The following SGCD variants were observed in gnomAD, a reference collection of about 807,000 sequenced individuals.
SGCD encodes sarcoglycan delta, also known as delta-sarcoglycan.
A neutral mutation model predicts 36.6 loss-of-function variants in SGCD; 18 were observed. The ratio of observed to expected loss-of-function variants is 0.49; its 90% CI spans 0.34 to 0.73. The LOEUF (loss-of-function observed/expected upper bound fraction) is 0.73, where lower values mean the gene tolerates loss of function less well. Among genes scored for constraint, SGCD ranks in the 30% least tolerant of loss-of-function variants. The pLI, the probability that SGCD is intolerant of heterozygous loss-of-function variation, is 0.01. For missense variants in SGCD, 387 were observed against 346.7 expected (o/e 1.12, Z -0.92); for synonymous variants, 133 against 130.6 (o/e 1.02, Z -0.12).
chr5:155,972,463 G>T (rs574862284), intron 1 of SGCD, among the ~76,000 whole-genome samples: 3 of 151,998 alleles, frequency 2.0e-5, no homozygotes, highest in Non-Finnish European at 2.9e-5. Flanking sequence ...TGACTACATG[G>T]TATTTTACTT....
intron 3 of SGCD, chr5:156,393,931 T>TA: frequency 2.4e-6 from 1 of 418,822 alleles, no homozygotes; most frequent in South Asian, 1.7e-5. Flanking sequence ...AAGAGATGGG[T>TA]AAGACCTGAT....
intron 6 of SGCD, among the ~76,000 whole-genome samples, chr5:156,630,109 C>G (rs573617132): frequency 6.6e-6 from 1 of 151,976 alleles, no homozygotes; most frequent in Non-Finnish European, 1.5e-5. Context: ...GTGATCCACC[C>G]GCCTCAGCCT....
intron 3 of SGCD, among the ~76,000 whole-genome samples, chr5:156,423,131 TAATA>T (rs1348297197): frequency 2.9e-5 from 3 of 103,714 alleles, no homozygotes; most frequent in African/African-American, 3.5e-5. Context: ...ATTAATTAAT[TAATA>T]ATTAATATTT....
chr5:156,107,911 A>G (rs968817385), intron 1 of SGCD, among the ~76,000 whole-genome samples: 2 of 152,170 alleles, frequency 1.3e-5, no homozygotes, highest in African/African-American at 4.8e-5. Flanking sequence ...GAAGTAAACA[A>G]GTTTGGGAAT....
chr5:156,130,102 C>T (rs985307159), intron 3 of SGCD, among the ~76,000 whole-genome samples: 5 of 152,180 alleles, frequency 3.3e-5, no homozygotes, highest in Non-Finnish European at 5.9e-5. Flanking sequence ...TTTATACTCC[C>T]ACCAACAGTG....
intron 7 of SGCD, among the ~76,000 whole-genome samples, chr5:156,712,996 A>G (rs923314146): frequency 1.3e-5 from 2 of 152,178 alleles, no homozygotes; most frequent in Non-Finnish European, 2.9e-5. Context: ...CCCACATGGT[A>G]GGGTCTGAAT....
At chr5:155,907,400 T>C (rs1423713155) in intron 1 of SGCD, among the ~76,000 whole-genome samples, 5 of 152,074 alleles carry the variant, frequency 3.3e-5, no homozygotes, top group Admixed American at 3.3e-4. Flanking sequence ...AGGAAAACAT[T>C]TCATAAGGCT....
At chr5:155,978,491 G>A (rs1758165652) in intron 1 of SGCD, among the ~76,000 whole-genome samples, 1 of 152,252 alleles carries the variant, frequency 6.6e-6, no homozygotes, top group Non-Finnish European at 1.5e-5. Flanking sequence ...TGTGTCAATG[G>A]ATTGCCTTTA....
intron 1 of SGCD, among the ~76,000 whole-genome samples, chr5:155,930,324 G>T (rs1757075948): frequency 1.3e-5 from 2 of 152,164 alleles, no homozygotes; most frequent in South Asian, 4.1e-4. Flanking sequence ...TAAATGAAAT[G>T]GGTCTGAGAT....
intron 3 of SGCD, among the ~76,000 whole-genome samples, chr5:156,453,271 A>G (rs1482646725): frequency 2.0e-5 from 3 of 152,192 alleles, no homozygotes; most frequent in African/African-American, 4.8e-5. Context: ...CCGCTAGTGT[A>G]GAGCAAATGG....
At position 156,042,975 on chromosome 5, in the gene SGCD, T is replaced by G. The variant is rs530887307; in HGVS notation, c.-281-74903T>G. Among the ~76,000 whole-genome samples the G allele has an allele frequency of 1.1e-3, 161 of 152,306 alleles. 1 individual carries two copies. The highest frequency in any genetic ancestry group is 3.7e-3 in the African/African-American group (155 of 41,570). On this transcript the variant is annotated intron_variant, in intron 1 of 9. Transcript: ENST00000517913. Reference sequence around the variant, plus strand: ...TAGCTTTACAAAGGCAATTTAGTTTTGGGGAAAGGCTATTGTCATTTAAAC... The same window carrying G: ...TAGCTTTACAAAGGCAATTTAGTTTGGGGGAAAGGCTATTGTCATTTAAAC...
intron 1 of SGCD, among the ~76,000 whole-genome samples, chr5:155,909,747 T>C (rs545725049): frequency 3.9e-4 from 59 of 152,162 alleles, no homozygotes; most frequent in Non-Finnish European, 7.6e-4. Flanking sequence ...TAGTAGACTT[T>C]AGCTGAATAT....
At chr5:156,620,380 G>T (rs911138736) in intron 6 of SGCD, among the ~76,000 whole-genome samples, 3 of 152,178 alleles carry the variant, frequency 2.0e-5, no homozygotes, top group African/African-American at 7.2e-5. Context: ...CTCTTTAAAA[G>T]TTCTCAAATA....
chr5:155,858,530 C>T, the SGCD span, among the ~76,000 whole-genome samples: 2 of 152,190 alleles, frequency 1.3e-5, no homozygotes, highest in African/African-American at 4.8e-5. Context: ...TTTATAAACT[C>T]ATCTTTATTG....
chr5:156,599,974 T>G (rs1464554154), intron 6 of SGCD, among the ~76,000 whole-genome samples: 1 of 152,220 alleles, frequency 6.6e-6, no homozygotes, highest in Non-Finnish European at 1.5e-5. Flanking sequence ...GAGTTAATAG[T>G]ACAGTGTGTG....
At chr5:156,639,970 C>G (rs1487093465) in intron 6 of SGCD, among the ~76,000 whole-genome samples, 1 of 151,946 alleles carries the variant, frequency 6.6e-6, no homozygotes, top group Non-Finnish European at 1.5e-5. Flanking sequence ...ATCATATCAC[C>G]CTTCTCTTAG....
rs1263982282 is a variant in SGCD, at chr5:155,984,172, A to C, written c.-282+113748A>C. Among the ~76,000 whole-genome samples the C allele has an allele frequency of 2.0e-5, 3 of 152,352 alleles. No homozygotes were observed. The East Asian group carries it at 5.8e-4, about 29-fold the overall frequency. ...TACTTGATTTTCATTTGATCCTCTGAGTCAAGCAGGGTAGGAATGTATTCA... is the reference window on the plus strand; with the variant it reads ...TACTTGATTTTCATTTGATCCTCTGCGTCAAGCAGGGTAGGAATGTATTCA... On this transcript the variant is annotated intron_variant, in intron 1 of 9. Transcript: ENST00000517913.
rs535236105 is a variant in SGCD at position 156,365,075 on chromosome 5, T to G, written c.192+20398T>G. Among the ~76,000 whole-genome samples, 21 of 152,308 alleles carry G rather than the reference T, an allele frequency of 1.4e-4. No homozygotes were observed. In the South Asian group the frequency reaches 4.1e-3, roughly 30 times the overall value. On this transcript the variant is annotated intron_variant, in intron 3 of 8. Coordinates refer to ENST00000337851, the MANE Select transcript of SGCD (RefSeq NM_000337.6). Reference sequence around the variant, plus strand: ...TGATTTAAAAATGACAGTATAAAAATGTGCAACTCAATTTAAAAATGGGCA... The same window carrying G: ...TGATTTAAAAATGACAGTATAAAAAGGTGCAACTCAATTTAAAAATGGGCA...
At chr5:156,670,121 A>G (rs1458833352) in intron 7 of SGCD, among the ~76,000 whole-genome samples, 1 of 152,216 alleles carries the variant, frequency 6.6e-6, no homozygotes, top group Non-Finnish European at 1.5e-5. Context: ...TATATCATCT[A>G]GATTAATTTT....
Sources: allele counts gnomAD v4.1 joint callset (sites outside exome capture counted in the v4.1 genomes callset), GRCh38; gene constraint gnomAD v4.1.1; transcripts MANE v1.5; gene names NCBI Gene and HGNC (gene_info 2026-07-23, HGNC 2026-07-21).